JMY: variants seen among roughly 807,000 people sequenced by gnomAD.
The protein encoded by JMY is junction-mediating and -regulatory protein.
Under a neutral mutation model 103.3 loss-of-function variants are expected in JMY, and 46 were observed. The ratio of observed to expected loss-of-function variants is 0.45; its 90% confidence interval spans 0.35 to 0.57. The LOEUF (loss-of-function observed/expected upper bound fraction) is 0.57. Among genes scored for constraint, JMY ranks in the 20% least tolerant of loss-of-function variants. The pLI is 0.00. For missense variants in JMY, 1,238 were observed against 1,255.2 expected (o/e 0.99, Z 0.21); for synonymous variants, 526 against 489.3 (o/e 1.07, Z -0.99).
chr5:79,304,771 C>T (rs1216185677), intron 6 of JMY, among the ~76,000 whole-genome samples: 1 of 152,214 alleles, frequency 6.6e-6, no homozygotes, highest in Non-Finnish European at 1.5e-5. Flanking sequence ...TACAACTTAA[C>T]ACCATTCTCT....
intron 2 of JMY, among the ~76,000 whole-genome samples, chr5:79,281,414 A>G (rs1414353058): frequency 6.7e-6 from 1 of 148,938 alleles, no homozygotes; most frequent in Non-Finnish European, 1.5e-5. Context: ...ACTGGAGCAC[A>G]ATCACACATC....
At chr5:79,315,316 ACTTACAATGTGACAGATGTG>A (rs1176553623) in intron 9 of JMY, among the ~76,000 whole-genome samples, 1 of 152,214 alleles carries the variant, frequency 6.6e-6, no homozygotes, top group Non-Finnish European at 1.5e-5. Context: ...AATCTGTTCA[ACTTACAATGTGACAGATGTG>A]CCTCAATAAG....
intron 2 of JMY, among the ~76,000 whole-genome samples, 195 bp downstream of exon 2, chr5:79,278,278 A>G (rs1746005448): frequency 6.6e-6 from 1 of 152,074 alleles, no homozygotes; most frequent in Non-Finnish European, 1.5e-5. Context: ...TCAAAAGGCA[A>G]TTCTGCTGAG....
In JMY at chr5:79,237,131, G is replaced by T; in HGVS notation, c.481G>T (p.Ala161Ser). ...GAAAACATCTGAAGCCGACGATGCG[G>T]CGGGGGCAGCCGCTGCAGCAGCCCG... ...GQKTSEADDAAGAAAAAARPA... is the reference protein window; with the variant it reads ...GQKTSEADDASGAAAAAARPA... The change falls in exon 1 of 11, where the codon GCG (alanine) becomes TCG (serine). Residue 161 changes from alanine (A) to serine (S), a missense_variant. Ala to Ser is a moderately conservative substitution (Grantham distance 99). Coordinates refer to ENST00000396137, the MANE Select transcript of JMY (RefSeq NM_152405.5). 1 of 1,546,966 alleles carries T rather than the reference G, an allele frequency of 6.5e-7. No individual in the cohort carries two copies. The highest frequency in any genetic ancestry group is 8.7e-7 in the Non-Finnish European group (1 of 1,145,122).
chr5:79,241,475 T>G (rs1744739338), intron 1 of JMY, among the ~76,000 whole-genome samples: 1 of 152,234 alleles, frequency 6.6e-6, no homozygotes, highest in Non-Finnish European at 1.5e-5. Flanking sequence ...CGAGAAATTT[T>G]CTTTTAGTAC....
chr5:79,306,693 C>G (rs1746894406), intron 7 of JMY, among the ~76,000 whole-genome samples: 1 of 152,168 alleles, frequency 6.6e-6, no homozygotes, highest in South Asian at 2.1e-4. Flanking sequence ...CCTGTCCCCA[C>G]ACTTGATAGC....
At chr5:79,311,635 A>T (rs559645212) in intron 7 of JMY, among the ~76,000 whole-genome samples, 1 of 152,344 alleles carries the variant, frequency 6.6e-6, no homozygotes, top group East Asian at 1.9e-4. Flanking sequence ...AACTAAAATT[A>T]ATTTTACCAA....
At chr5:79,260,622 C>T (rs747765389) in intron 1 of JMY, among the ~76,000 whole-genome samples, 1 of 150,668 alleles carries the variant, frequency 6.6e-6, no homozygotes, top group Non-Finnish European at 1.5e-5. Flanking sequence ...AACCCTTGAG[C>T]TCAAGTGATC....
At chr5:79,281,169 C>G (rs1171975531) in intron 2 of JMY, among the ~76,000 whole-genome samples, 1 of 151,378 alleles carries the variant, frequency 6.6e-6, no homozygotes, top group Non-Finnish European at 1.5e-5. Flanking sequence ...CTCAGCTTCC[C>G]GAGTAGCTGG....
intron 10 of JMY, among the ~76,000 whole-genome samples, chr5:79,317,667 C>A (rs1376179570): frequency 1.3e-5 from 2 of 152,118 alleles, no homozygotes; most frequent in African/African-American, 4.8e-5. Context: ...ATAATTAATT[C>A]ATGTGTTAGC....
intron 6 of JMY, among the ~76,000 whole-genome samples, chr5:79,305,304 T>A (rs1746846826): frequency 6.6e-6 from 1 of 151,856 alleles, no homozygotes; most frequent in African/African-American, 2.4e-5. Context: ...ACAAAAAAAT[T>A]AGCCAGGCGT....
intron 1 of JMY, among the ~76,000 whole-genome samples, chr5:79,265,572 C>A (rs563780754): frequency 6.6e-6 from 1 of 151,800 alleles, no homozygotes; most frequent in East Asian, 1.9e-4. Context: ...TTGAATTGAA[C>A]TCTGTAGACT....
chr5:79,278,113 C>T (rs1561301280), intron 2 of JMY, 30 bp downstream of exon 2: 6 of 1,555,392 alleles, frequency 3.9e-6, no homozygotes, highest in Middle Eastern at 1.7e-4. Context: ...AACTAGTAGC[C>T]TGCCTGTTTC....
chr5:79,319,106 C>G (rs1265090269), intron 10 of JMY, among the ~76,000 whole-genome samples: 2 of 152,184 alleles, frequency 1.3e-5, no homozygotes, highest in Non-Finnish European at 2.9e-5. Context: ...CCTTGTCTGT[C>G]TCCTCCCATC....
chr5:79,319,160 T>C (rs1747356594), intron 10 of JMY, among the ~76,000 whole-genome samples: 1 of 152,240 alleles, frequency 6.6e-6, no homozygotes, highest in African/African-American at 2.4e-5. Flanking sequence ...CAGCATTTTG[T>C]ATACTCAAGT....
rs1485237820 is a variant in JMY at position 79,322,307 on chromosome 5, C to T, written c.*705C>T. The T allele has an allele frequency of 1.3e-5, 2 of 152,174 alleles. No homozygotes were observed. The highest frequency in any genetic ancestry group is 2.4e-5 in the African/African-American group (1 of 41,448). 9.4% of individuals were successfully genotyped at this position (152,174 alleles called of 1,614,324 possible). A position where few individuals can be genotyped will look rare whatever the true frequency, so the allele number is the denominator to read the frequency against. On this transcript the variant is annotated 3_prime_UTR_variant, in exon 11 of 11. Transcript: ENST00000396137. ...TTTTGAAGTTTCCGTGCTTTTAAAT[C>T]ACTCTTCATATTTCTTGAATTTATA...
chr5:79,236,893 C>A lies in JMY; in HGVS notation c.243C>A (p.Pro81=). 1 of 1,361,614 alleles carries A rather than the reference C, an allele frequency of 7.3e-7. No individual in the cohort carries two copies. Among genetic ancestry groups the A allele is most frequent in the Non-Finnish European group, 9.4e-7 (1 of 1,061,088 alleles). The allele number at this position is 1,361,614 out of a possible 1,614,324, so 84.3% of individuals were successfully genotyped here. ...CTGCGTCCGACGGGAGCCGCGGGCC[C>A]GGCAGCCCGGCGGGCAGGGGTCGGC... The part of the protein sequence containing the change: ...GGAASDGSRG[P]GSPAGRGRPE... The change falls in exon 1 of 11, where the codon CCC becomes CCA. Residue 81 remains proline, a synonymous_variant. Coordinates refer to ENST00000396137, the MANE Select transcript of JMY (RefSeq NM_152405.5).
intron 6 of JMY, 49 bp downstream of exon 6, chr5:79,300,912 A>G (rs1561310644): frequency 2.8e-6 from 4 of 1,436,068 alleles, no homozygotes; most frequent in Non-Finnish European, 3.8e-6. Flanking sequence ...ATCCGTATCT[A>G]CTAATCTCAT....
chr5:79,309,278 G>A (rs1209199786), intron 7 of JMY, among the ~76,000 whole-genome samples: 1 of 152,134 alleles, frequency 6.6e-6, no homozygotes, highest in African/African-American at 2.4e-5. Context: ...TTACCTGTAG[G>A]TTTTGGGATA....
Sources: allele counts gnomAD v4.1 joint callset (sites outside exome capture counted in the v4.1 genomes callset), GRCh38; gene constraint gnomAD v4.1.1; transcripts MANE v1.5; gene names NCBI Gene and HGNC (gene_info 2026-07-23, HGNC 2026-07-21).